BBX: variants seen among roughly 807,000 people sequenced by gnomAD.
BBX encodes the protein BBX high mobility group box domain containing, also known as HMG box transcription factor BBX.
A neutral mutation model predicts 100.2 loss-of-function variants in BBX; 30 were observed. The ratio of observed to expected loss-of-function variants is 0.30; its 90% confidence interval spans 0.22 to 0.41. The LOEUF (loss-of-function observed/expected upper bound fraction) is 0.41. BBX is among the 10% of genes least tolerant of loss of function. The probability of loss-of-function intolerance (pLI) is 1.00; values close to 1 mark genes in which losing one functional copy is unlikely to be tolerated. For missense variants in BBX, 1,023 were observed against 1,129.8 expected (o/e 0.91, Z 1.35); for synonymous variants, 376 against 388.1 (o/e 0.97, Z 0.37).
In BBX at chr3:107,724,483, A is replaced by G. The variant is rs543883734; in HGVS notation, c.406-4282A>G. On this transcript the variant is annotated intron_variant, in intron 5 of 17. Coordinates refer to ENST00000325805, the MANE Select transcript of BBX (RefSeq NM_001142568.3). ...TGTTTTAGACATGAAGTCCTTGCCC[A>G]TGCCTATGTCCTGAATGCTATTGCC... 2.0e-5 allele frequency among the ~76,000 whole-genome samples: 3 copies of G among 152,278 alleles called. No individual in the cohort carries two copies. In the South Asian group the frequency reaches 6.2e-4, roughly 32 times the overall value.
At chr3:107,761,160 G>C (rs1359863599) in intron 10 of BBX, among the ~76,000 whole-genome samples, 1 of 152,108 alleles carries the variant, frequency 6.6e-6, no homozygotes, top group African/African-American at 2.4e-5. Context: ...GTGGACAGCT[G>C]GGGGAGATAA....
chr3:107,597,428 AT>A (rs1473114926), intron 2 of BBX, among the ~76,000 whole-genome samples: 1 of 152,220 alleles, frequency 6.6e-6, no homozygotes, highest in Non-Finnish European at 1.5e-5. Flanking sequence ...GCTTTGAAAA[AT>A]ATTAGAGATA....
chr3:107,741,891 GT>G (rs2107593021), intron 7 of BBX, among the ~76,000 whole-genome samples: 1 of 152,172 alleles, frequency 6.6e-6, no homozygotes, highest in East Asian at 1.9e-4. Flanking sequence ...TCAAATTCAT[GT>G]GTAGATCAGT....
intron 3 of BBX, among the ~76,000 whole-genome samples, chr3:107,670,411 A>G (rs952660988): frequency 6.6e-6 from 1 of 152,118 alleles, no homozygotes; most frequent in Non-Finnish European, 1.5e-5. Flanking sequence ...TCAAATAGCT[A>G]GAAGGAAGAT....
At position 107,678,496 on chromosome 3, in the gene BBX, G is replaced by A. The variant is rs116717053; in HGVS notation, c.-9-31956G>A. ...GCACTTTGGGAGGCAAGCCGAAGCA[G>A]GAGGATTGTTTGAGCCCAGGAGTTT... On this transcript the variant is annotated intron_variant, in intron 3 of 17. Coordinates refer to ENST00000325805, the MANE Select transcript of BBX (RefSeq NM_001142568.3). Among the ~76,000 whole-genome samples the A allele has an allele frequency of 1.6e-3, 247 of 152,252 alleles. 1 individual carries two copies. The highest frequency in any genetic ancestry group is 5.5e-3 in the African/African-American group (230 of 41,544).
chr3:107,768,229 C>A (rs1310385355), intron 10 of BBX, among the ~76,000 whole-genome samples: 1 of 152,156 alleles, frequency 6.6e-6, no homozygotes, highest in East Asian at 1.9e-4. Flanking sequence ...CCGACTGGTA[C>A]AAAAGCCGAC....
intron 3 of BBX, among the ~76,000 whole-genome samples, chr3:107,678,658 A>G (rs2059409039): frequency 6.6e-6 from 1 of 152,118 alleles, no homozygotes; most frequent in Non-Finnish European, 1.5e-5. Context: ...CAGAAGGTCA[A>G]GCTACAGCAG....
At chr3:107,707,272 G>A (rs1391776370) in intron 3 of BBX, among the ~76,000 whole-genome samples, 1 of 152,212 alleles carries the variant, frequency 6.6e-6, no homozygotes, top group Non-Finnish European at 1.5e-5. Context: ...ACCTTGGTCT[G>A]TGTGTCTGAG....
At chr3:107,623,759 C>T (rs2055956062) in intron 2 of BBX, among the ~76,000 whole-genome samples, 1 of 152,118 alleles carries the variant, frequency 6.6e-6, no homozygotes, top group South Asian at 2.1e-4. Context: ...TTAATATAAA[C>T]CTGCCTTTGG....
rs775577388 is a variant in BBX, at chr3:107,710,578, T to C, written c.118T>C (p.Ser40Pro). The change falls in exon 4 of 18, where the codon TCA (serine) becomes CCA (proline). Residue 40 changes from serine (S) to proline (P), a missense_variant. Ser to Pro is a moderately conservative substitution (Grantham distance 74, BLOSUM62 -1). Coordinates refer to ENST00000325805, the MANE Select transcript of BBX (RefSeq NM_001142568.3). ...PLLAKKLLDF[S>P]EEEEEEDEEE... The stretch of plus-strand genomic sequence containing the variant: ...GCTAGCAAAGAAACTTCTTGATTTT[T>C]CAGAAGAGGAAGAAGAGGAAGACGA... 1 of 1,613,890 alleles carries C rather than the reference T, an allele frequency of 6.2e-7. No homozygotes were observed. The highest frequency in any genetic ancestry group is 1.1e-5 in the South Asian group (1 of 91,036).
intron 13 of BBX, among the ~76,000 whole-genome samples, chr3:107,783,709 A>G (rs1237183243): frequency 6.6e-6 from 1 of 152,054 alleles, no homozygotes; most frequent in East Asian, 1.9e-4. Flanking sequence ...CTTGGGTTGT[A>G]TAAAACACAT....
intron 2 of BBX, among the ~76,000 whole-genome samples, chr3:107,570,282 A>C (rs2107513498): frequency 6.6e-6 from 1 of 152,296 alleles, no homozygotes; most frequent in South Asian, 2.1e-4. Context: ...CTTGAAGGTG[A>C]GGTTAATTAA....
chr3:107,768,936 T>C (rs1274118197), intron 10 of BBX, among the ~76,000 whole-genome samples: 3 of 140,792 alleles, frequency 2.1e-5, no homozygotes, highest in African/African-American at 8.1e-5. Context: ...GGCAGGAGGA[T>C]CGCTTGAGGC....
chr3:107,784,181 CTAAG>C (rs2068185863), intron 13 of BBX, among the ~76,000 whole-genome samples: 1 of 151,914 alleles, frequency 6.6e-6, no homozygotes, highest in African/African-American at 2.4e-5. Flanking sequence ...ATAAATAAGC[CTAAG>C]CAATAAGCAA....
intron 3 of BBX, among the ~76,000 whole-genome samples, chr3:107,686,215 C>T (rs1386338190): frequency 3.3e-5 from 5 of 152,100 alleles, no homozygotes; most frequent in Admixed American, 6.5e-5. Context: ...TTAACTTACC[C>T]TCTTGTGGAT....
chr3:107,635,303 G>A (rs1304623190), intron 2 of BBX, among the ~76,000 whole-genome samples: 1 of 152,084 alleles, frequency 6.6e-6, no homozygotes, highest in Non-Finnish European at 1.5e-5. Flanking sequence ...ATGAGTCCAT[G>A]TTTTTATTTT....
intron 4 of BBX, among the ~76,000 whole-genome samples, chr3:107,715,777 A>G (rs2062056896): frequency 6.6e-6 from 1 of 152,254 alleles, no homozygotes; most frequent in East Asian, 1.9e-4. Flanking sequence ...AGAATCACCC[A>G]GATGGAATGG....
intron 3 of BBX, among the ~76,000 whole-genome samples, chr3:107,647,815 C>T (rs988630669): frequency 1.3e-5 from 2 of 152,146 alleles, no homozygotes; most frequent in African/African-American, 2.4e-5. Context: ...CCTGCCACTC[C>T]GCTCCGTGTC....
At chr3:107,744,810 A>G (rs2064431136) in intron 8 of BBX, 100 bp downstream of exon 8, 2 of 948,392 alleles carry the variant, frequency 2.1e-6, no homozygotes, top group Non-Finnish European at 3.4e-6. Flanking sequence ...AACTCTACTC[A>G]GCTCAACCAT....
Sources: allele counts gnomAD v4.1 joint callset (sites outside exome capture counted in the v4.1 genomes callset), GRCh38; gene constraint gnomAD v4.1.1; transcripts MANE v1.5; gene names NCBI Gene and HGNC (gene_info 2026-07-23, HGNC 2026-07-21).